SCN4A: variants seen among roughly 807,000 people sequenced by gnomAD.
SCN4A encodes the protein sodium voltage-gated channel alpha subunit 4.
In SCN4A, 83 loss-of-function variants were observed where a neutral mutation model predicts 162.0. The observed-to-expected ratio is 0.51, with a 90% CI of 0.43 to 0.61. The LOEUF (loss-of-function observed/expected upper bound fraction) is 0.61. Among genes scored for constraint, SCN4A ranks in the 20% least tolerant of loss-of-function variants. The pLI, the probability that SCN4A is intolerant of heterozygous loss-of-function variation, is 0.00. For synonymous variants in SCN4A, 944 were observed against 985.1 expected (o/e 0.96, Z 0.78); for missense variants, 2,196 against 2,462.5 (o/e 0.89, Z 2.29).
In SCN4A at chr17:63,945,039, C is replaced by T; in HGVS notation, c.3742G>A (p.Asp1248Asn). 1 of 1,613,892 alleles carries T rather than the reference C, an allele frequency of 6.2e-7. No individual in the cohort carries two copies. Among genetic ancestry groups the T allele is most frequent in the South Asian group, 1.1e-5 (1 of 91,056 alleles). The change falls in exon 20 of 24, where the codon GAC becomes AAC. Residue 1248 changes from aspartate (D) to asparagine (N), a missense_variant. Asp to Asn is a conservative substitution (Grantham distance 23). Transcript: ENST00000435607. The surrounding 1 kb of genome is among the most constrained non-coding windows in gnomAD (Gnocchi z 4.4). ...GAGTCCACGGCTGCATACATGATGT[C>T]CATCCAACCCTTGAAGGTGGCCTGA... ...LQVATFKGWM[D>N]IMYAAVDSRE...
At position 63,941,920 on chromosome 17, in the gene SCN4A, C is replaced by T. The variant is rs371698958; in HGVS notation, c.4362G>A (p.Arg1454=). The T allele has an allele frequency of 1.9e-6, 3 of 1,610,326 alleles. No homozygotes were observed. In the South Asian group the frequency reaches 3.3e-5, roughly 18 times the overall value. Residue 1454 remains arginine, a synonymous_variant, in exon 24 of 24, where the codon CGG becomes CGA. Transcript: ENST00000435607. The surrounding 1 kb of genome is among the most constrained non-coding windows in gnomAD (Gnocchi z 6.2). Reference sequence around the variant, plus strand: ...GGATCAGCCGCAGGACACGCCCAATCCGCGCCAGGCGGATCACACGGAACA... The same window carrying T: ...GGATCAGCCGCAGGACACGCCCAATTCGCGCCAGGCGGATCACACGGAACA... ...PTLFRVIRLA[R]IGRVLRLIRG... is the part of the protein sequence containing the mutation.
In SCN4A at chr17:63,941,739, C is replaced by T. The variant is rs936154685; in HGVS notation, c.4543G>A (p.Asp1515Asn). Residue 1515 changes from aspartate (D) to asparagine (N), a missense_variant, in exon 24 of 24, where the codon GAT becomes AAT. Physicochemically the swap from Asp to Asn is conservative, Grantham distance 23. Coordinates refer to ENST00000435607, the MANE Select transcript of SCN4A (RefSeq NM_000334.4). This position sits in a 1 kb window ranked among gnomAD's most constrained non-coding sequence, Gnocchi z 6.2. ...CCGAAGGTCTCGAAGTTGAACATAT[C>T]ATCGATGCCCGACTCCTTCTTGACG... ...AYVKKESGIDDMFNFETFGNS... is the reference protein window; with the variant it reads ...AYVKKESGIDNMFNFETFGNS... The T allele has an allele frequency of 6.2e-7, 1 of 1,613,984 alleles. No individual in the cohort carries two copies. The highest frequency in any genetic ancestry group is 1.3e-5 in the African/African-American group (1 of 74,898).
rs774821803 is a variant in SCN4A at position 63,941,577 on chromosome 17, C to T, written c.4705G>A (p.Gly1569Ser). 6.8e-6 allele frequency: 11 copies of T among 1,613,896 alleles called. No individual in the cohort carries two copies. Among genetic ancestry groups the T allele is most frequent in the Middle Eastern group, 3.3e-4 (2 of 6,084 alleles). Reference sequence around the variant, plus strand: ...AAGCAGATGCCGATGGAGGGGTTGCCGCAGTCACCCTTGACACTGGTGCCC... The same window carrying T: ...AAGCAGATGCCGATGGAGGGGTTGCTGCAGTCACCCTTGACACTGGTGCCC... ...NPGTSVKGDC[G>S]NPSIGICFFC... is the part of the protein sequence containing the mutation. Residue 1569 changes from glycine to serine, a missense_variant, in exon 24 of 24, where the codon GGC becomes AGC. Transcript: ENST00000435607. The surrounding 1 kb of genome is among the most constrained non-coding windows in gnomAD (Gnocchi z 6.2).
At chr17:63,946,081 G>T (rs1908707978) in intron 18 of SCN4A, among the ~76,000 whole-genome samples, 1 of 152,204 alleles carries the variant, frequency 6.6e-6, no homozygotes, top group Non-Finnish European at 1.5e-5. Context: ...TGGGACAGAA[G>T]CCCCATCCCC....
At chr17:63,968,591 C>A (rs1387740875) in intron 5 of SCN4A, among the ~76,000 whole-genome samples, 1 of 152,200 alleles carries the variant, frequency 6.6e-6, no homozygotes, top group Non-Finnish European at 1.5e-5. Flanking sequence ...ACTATAAAGA[C>A]CTGATGGGCT....
intron 22 of SCN4A, among the ~76,000 whole-genome samples, chr17:63,943,322 T>C (rs1002338033): frequency 3.4e-5 from 3 of 89,502 alleles, no homozygotes; most frequent in Non-Finnish European, 7.0e-5. Flanking sequence ...ACCAGGTCAT[T>C]TTATGGGGTT....
rs1481325940 is a variant in SCN4A, at chr17:63,942,831, A to G, written c.4283T>C (p.Ile1428Thr). The G allele has an allele frequency of 6.2e-6, 10 of 1,613,596 alleles. No homozygotes were observed. The highest frequency in any genetic ancestry group is 6.8e-6 in the Non-Finnish European group (8 of 1,179,522). ...GTCCAGCCCGCCCCGCTCACCCACA[A>G]TGGACAGGATGACGACCACGAAGTC... ...IFDFVVVILS[I>T]VGLALSDLIQ... Residue 1428 changes from isoleucine (I) to threonine (T), a missense_variant, in exon 23 of 24, where the codon ATT (isoleucine) becomes ACT (threonine). Transcript: ENST00000435607.
chr17:63,944,683 T>A lies in SCN4A; in HGVS notation c.3902A>T (p.Gln1301Leu). 6.2e-7 allele frequency: 1 copy of A among 1,605,918 alleles called. No individual in the cohort carries two copies. The highest frequency in any genetic ancestry group is 1.1e-5 in the South Asian group (1 of 89,664). The change falls in exon 21 of 24, where the codon CAG becomes CTG. Residue 1301 changes from glutamine (Q) to leucine (L), a missense_variant. Coordinates refer to ENST00000435607, the MANE Select transcript of SCN4A (RefSeq NM_000334.4). The surrounding 1 kb of genome is among the most constrained non-coding windows in gnomAD (Gnocchi z 4.3). Reference protein sequence around the residue: ...IGVIIDNFNQQKKKLGGKDIF... With the variant: ...IGVIIDNFNQLKKKLGGKDIF... ...TGGGCTGATACTCATCTTCTTCTTC[T>A]GCTGGTTGAAGTTGTCAATGATGAC...
At chr17:63,965,484 G>A (rs1462250046) in intron 8 of SCN4A, among the ~76,000 whole-genome samples, 3 of 151,146 alleles carry the variant, frequency 2.0e-5, no homozygotes, top group East Asian at 2.0e-4. Flanking sequence ...GGGCAACATC[G>A]AATTTCTGTC....
At position 63,944,924 on chromosome 17, in the gene SCN4A, G is replaced by A; in HGVS notation, c.3774+83C>T. ...CCAGGGCTGCCAAGTCTCGGGGACA[G>A]AACGTGCTGCCAAGTCTCCCTCCTG... On this transcript the variant is annotated intron_variant, in intron 20 of 23. Coordinates refer to ENST00000435607, the MANE Select transcript of SCN4A (RefSeq NM_000334.4). This position sits in a 1 kb window ranked among gnomAD's most constrained non-coding sequence, Gnocchi z 4.3. 1.3e-6 allele frequency: 2 copies of A among 1,590,836 alleles called. No homozygotes were observed. The highest frequency in any genetic ancestry group is 1.7e-6 in the Non-Finnish European group (2 of 1,164,162).
chr17:63,971,673 C>T, intron 4 of SCN4A, 49 bp downstream of exon 4: 1 of 1,538,592 alleles, frequency 6.5e-7, no homozygotes. Flanking sequence ...GGCCTGGCCC[C>T]CTCCCCTCAC....
chr17:63,941,245 G>T lies in SCN4A; in HGVS notation c.5037C>A (p.Ile1679=), dbSNP rs372002602. 6.2e-7 allele frequency: 1 copy of T among 1,613,886 alleles called. No homozygotes were observed. Among genetic ancestry groups the T allele is most frequent in the South Asian group, 1.1e-5 (1 of 91,076 alleles). The change falls in exon 24 of 24, where the codon ATC becomes ATA. Residue 1679 remains isoleucine, a synonymous_variant. Transcript: ENST00000435607. This position sits in a 1 kb window ranked among gnomAD's most constrained non-coding sequence, Gnocchi z 6.2. ...VPGDKIHCLD[I]LFALTKEVLG... ...GGACCTCTTTGGTCAGGGCAAAGAG[G>T]ATGTCCAGGCAGTGGATCTTGTCCC...
rs2144776160 is a variant in SCN4A at position 63,942,885 on chromosome 17, T to C, written c.4229A>G (p.Tyr1410Cys). Residue 1410 changes from tyrosine (Y) to cysteine (C), a missense_variant, in exon 23 of 24, where the codon TAC (tyrosine) becomes TGC (cysteine). By Grantham distance (194) the Tyr-to-Cys change is radical. Transcript: ENST00000435607. ...GATGTTCCAGCCAACGGTGAAGTAG[T>C]ACTGGCGCAGGGCGAGCATCTTGAG... The part of the protein sequence containing the change: ...CVLKMLALRQ[Y>C]YFTVGWNIFD... The C allele has an allele frequency of 6.2e-7, 1 of 1,614,044 alleles. No homozygotes were observed. The highest frequency in any genetic ancestry group is 1.7e-5 in the Admixed American group (1 of 60,032).
In SCN4A at chr17:63,950,087, G is replaced by A. The variant is rs2144785192; in HGVS notation, c.2854-559C>T. On this transcript the variant is annotated intron_variant, in intron 14 of 23. Coordinates refer to ENST00000435607, the MANE Select transcript of SCN4A (RefSeq NM_000334.4). The surrounding 1 kb of genome is among the most constrained non-coding windows in gnomAD (Gnocchi z 4.6). ...AGTGTTGGGAGCGGGAGTGGGGGAG[G>A]CGGGTGCTCCAGCCGGGCCAGGCTT... 6.6e-6 allele frequency among the ~76,000 whole-genome samples: 1 copy of A among 152,288 alleles called. No individual in the cohort carries two copies. Among genetic ancestry groups the A allele is most frequent in the African/African-American group, 2.4e-5 (1 of 41,554 alleles).
chr17:63,967,975 A>G, intron 6 of SCN4A, 48 bp downstream of exon 6: 1 of 1,480,644 alleles, frequency 6.8e-7, no homozygotes, highest in Non-Finnish European at 9.4e-7. Flanking sequence ...AGGCTACCCT[A>G]GGGACTGGGA....
rs554693602 is a variant in SCN4A, at chr17:63,950,666, A to G, written c.2853+758T>C. 1.5e-4 allele frequency among the ~76,000 whole-genome samples: 23 copies of G among 152,332 alleles called. No homozygotes were observed. Among genetic ancestry groups the G allele is most frequent in the African/African-American group, 5.1e-4 (21 of 41,582 alleles). On this transcript the variant is annotated intron_variant, in intron 14 of 23. Transcript: ENST00000435607. This position sits in a 1 kb window ranked among gnomAD's most constrained non-coding sequence, Gnocchi z 4.6. ...AGGGGTGGGCAGGGGCCCTCGTCCT[A>G]GCTCCTGTATGAGTCCTTTCCCTGC...
In SCN4A at chr17:63,964,581, C is replaced by T. The variant is rs1163735665; in HGVS notation, c.1339G>A (p.Ala447Thr). The T allele has an allele frequency of 6.2e-7, 1 of 1,613,896 alleles. No individual in the cohort carries two copies. ...TCATTCTGCTCGGCATATGCCATGG[C>T]CACCACGGCCAGGATCAGATTGATG... is the stretch of plus-strand genomic sequence containing the variant. ...YLINLILAVV[A>T]MAYAEQNEAT... Residue 447 changes from alanine (A) to threonine (T), a missense_variant, in exon 9 of 24, where the codon GCC becomes ACC. Coordinates refer to ENST00000435607, the MANE Select transcript of SCN4A (RefSeq NM_000334.4).
intron 17 of SCN4A, among the ~76,000 whole-genome samples, chr17:63,947,412 C>A (rs989795253): frequency 6.6e-5 from 9 of 137,202 alleles, no homozygotes; most frequent in African/African-American, 2.3e-4. Context: ...GGGATGGTAC[C>A]CGACTCCTTC....
intron 5 of SCN4A, 47 bp from the exon 6 acceptor site, chr17:63,968,402 G>A: frequency 6.7e-7 from 1 of 1,496,596 alleles, no homozygotes; most frequent in African/African-American, 1.4e-5. Flanking sequence ...AGGGCAGGGT[G>A]ATAACAGAGC....
Sources: allele counts gnomAD v4.1 joint callset (sites outside exome capture counted in the v4.1 genomes callset), GRCh38; gene constraint gnomAD v4.1.1; non-coding constraint Gnocchi (gnomAD v3.1); transcripts MANE v1.5; gene names NCBI Gene and HGNC (gene_info 2026-07-23, HGNC 2026-07-21).